The following KIF13B variants were observed in gnomAD, a reference collection of about 807,000 sequenced individuals.
KIF13B encodes the protein kinesin family member 13B, also known as kinesin-like protein KIF13B.
KIF13B carries 127 observed loss-of-function variants against 222.0 expected under a neutral mutation model. The ratio of observed to expected loss-of-function variants is 0.57; its 90% confidence interval spans 0.50 to 0.66. The LOEUF (loss-of-function observed/expected upper bound fraction) is 0.66. Ranked by LOEUF, KIF13B falls within the 30% of genes least tolerant of loss-of-function variation. The pLI is 0.00. For synonymous variants in KIF13B, 976 were observed against 919.0 expected (o/e 1.06, Z -1.12); for missense variants, 2,173 against 2,379.0 (o/e 0.91, Z 1.80).
intron 35 of KIF13B, among the ~76,000 whole-genome samples, chr8:29,102,719 G>A (rs1808852039): frequency 6.6e-6 from 1 of 152,204 alleles, no homozygotes; most frequent in African/African-American, 2.4e-5. Flanking sequence ...CACTGCAGCT[G>A]GAAGAGGAGT....
chr8:29,119,139 C>G, intron 29 of KIF13B, 147 bp from the exon 30 acceptor site: 1 of 798,644 alleles, frequency 1.3e-6, no homozygotes, highest in Non-Finnish European at 2.0e-6. Flanking sequence ...TGAAGATGAC[C>G]ACTTAAAAGT....
chr8:29,206,088 C>G (rs1436914230), intron 2 of KIF13B, among the ~76,000 whole-genome samples: 4 of 151,608 alleles, frequency 2.6e-5, no homozygotes, highest in Non-Finnish European at 5.9e-5. Context: ...AAGACCCCAC[C>G]TTTTAAAAAA....
chr8:29,240,541 T>C (rs922470369), intron 2 of KIF13B, among the ~76,000 whole-genome samples: 2 of 152,242 alleles, frequency 1.3e-5, no homozygotes, highest in Non-Finnish European at 2.9e-5. Context: ...TGTTTCATTC[T>C]TTAGAACTTT....
At chr8:29,134,338 T>C in intron 21 of KIF13B, 128 bp from the exon 22 acceptor site, 2 of 794,834 alleles carry the variant, frequency 2.5e-6, no homozygotes, top group South Asian at 1.7e-5. Flanking sequence ...CCAAATCCCA[T>C]TCACCCTGAG....
intron 32 of KIF13B, 35 bp from the exon 33 acceptor site, chr8:29,110,105 C>T (rs1470563866): frequency 3.3e-6 from 5 of 1,535,268 alleles, no homozygotes; most frequent in Non-Finnish European, 4.4e-6. Flanking sequence ...ATAAAAGCTT[C>T]TTGATGTACA....
At chr8:29,216,203 C>T (rs1265619220) in intron 2 of KIF13B, among the ~76,000 whole-genome samples, 9 of 152,174 alleles carry the variant, frequency 5.9e-5, no homozygotes, top group Non-Finnish European at 1.3e-4. Context: ...TAGGTCTTAT[C>T]CTCTCCACTT....
intron 38 of KIF13B, among the ~76,000 whole-genome samples, chr8:29,072,600 T>C (rs1807351400): frequency 1.3e-5 from 2 of 152,202 alleles, no homozygotes; most frequent in African/African-American, 4.8e-5. Context: ...TAGGGCTGCA[T>C]GGCCCTGGCT....
intron 35 of KIF13B, 61 bp from the exon 36 acceptor site, chr8:29,099,302 A>T (rs1029702012): frequency 1.5e-5 from 17 of 1,153,238 alleles, no homozygotes; most frequent in Non-Finnish European, 2.0e-5. Context: ...ACAAAAAAAA[A>T]TTACAGATAC....
chr8:29,149,034 T>TA (rs1811185482), intron 15 of KIF13B, among the ~76,000 whole-genome samples: 4 of 152,154 alleles, frequency 2.6e-5, no homozygotes, highest in African/African-American at 9.7e-5. Flanking sequence ...AGCAAGGTGA[T>TA]AAAGGAAGGT....
rs183319880 is a variant in KIF13B at position 29,116,342 on chromosome 8, G to A, written c.3837+489C>T. 3.4e-4 allele frequency among the ~76,000 whole-genome samples: 52 copies of A among 152,322 alleles called. No homozygotes were observed. In the East Asian group the frequency reaches 6.6e-3, roughly 19 times the overall value. On this transcript the variant is annotated intron_variant, in intron 31 of 39. Coordinates refer to ENST00000524189, the MANE Select transcript of KIF13B (RefSeq NM_015254.4). ...AAATTAGCCGGATGTGGTGGCACAC[G>A]TCTGTGGTCCCAGCTACCGGGGAGG...
In KIF13B at chr8:29,069,020, C is replaced by G. The variant is rs1213890717; in HGVS notation, c.*1484G>C. On this transcript the variant is annotated 3_prime_UTR_variant, in exon 40 of 40. Transcript: ENST00000524189. ...CGCAGCCAGGGCTGGGACAGGCCCACCATGGAGACTACTCTGTTGGCGCCT... is the reference window on the plus strand; with the variant it reads ...CGCAGCCAGGGCTGGGACAGGCCCAGCATGGAGACTACTCTGTTGGCGCCT... 1 of 152,206 alleles carries G rather than the reference C, an allele frequency of 6.6e-6. No homozygotes were observed. The highest frequency in any genetic ancestry group is 1.5e-5 in the Non-Finnish European group (1 of 68,030). 9.4% of individuals were successfully genotyped at this position (152,206 alleles called of 1,614,324 possible).
In KIF13B at chr8:29,105,784, G is replaced by A. The variant is rs374382008; in HGVS notation, c.4215+2355C>T. Among the ~76,000 whole-genome samples, 84 of 147,698 alleles carry A rather than the reference G, an allele frequency of 5.7e-4. 1 individual carries two copies. The highest frequency in any genetic ancestry group is 2.2e-4 in the South Asian group (1 of 4,632). On this transcript the variant is annotated intron_variant, in intron 35 of 39. Coordinates refer to ENST00000524189, the MANE Select transcript of KIF13B (RefSeq NM_015254.4). ...AGAAATTCTCCTGCCTCAGCCTTCC[G>A]AGTAGCTGGGATTACAGGCGCCTGG...
intron 30 of KIF13B, among the ~76,000 whole-genome samples, chr8:29,118,384 G>T (rs1809701977): frequency 6.6e-6 from 1 of 150,398 alleles, no homozygotes; most frequent in African/African-American, 2.5e-5. Context: ...AATCCCAGCT[G>T]CTCGGGAGGC....
intron 22 of KIF13B, 92 bp downstream of exon 22, chr8:29,133,948 C>T (rs552715116): frequency 5.2e-5 from 64 of 1,235,698 alleles, no homozygotes; most frequent in Middle Eastern, 4.2e-4. Context: ...AGACATATAA[C>T]GGCACATTTA....
At position 29,070,863 on chromosome 8, in the gene KIF13B, C is replaced by G; in HGVS notation, c.5219-97G>C. On this transcript the variant is annotated intron_variant, in intron 39 of 39. Coordinates refer to ENST00000524189, the MANE Select transcript of KIF13B (RefSeq NM_015254.4). This position sits in a 1 kb window ranked among gnomAD's most constrained non-coding sequence, Gnocchi z 4.1. ...TGCAGAGGCCATGTGCCCACACTGCCACCCCCCCGCACAGGCCCTACACAG... is the reference window on the plus strand; with the variant it reads ...TGCAGAGGCCATGTGCCCACACTGCGACCCCCCCGCACAGGCCCTACACAG... The G allele has an allele frequency of 7.7e-7, 1 of 1,293,364 alleles. No homozygotes were observed. The highest frequency in any genetic ancestry group is 1.1e-6 in the Non-Finnish European group (1 of 927,972). The allele number at this position is 1,293,364 out of a possible 1,614,324, so 80.1% of individuals were successfully genotyped here.
chr8:29,140,673 T>C, intron 19 of KIF13B, 56 bp from the exon 20 acceptor site: 1 of 1,493,636 alleles, frequency 6.7e-7, no homozygotes, highest in Non-Finnish European at 9.2e-7. Context: ...ATAAATGCAT[T>C]CAACCTACTG....
intron 2 of KIF13B, among the ~76,000 whole-genome samples, chr8:29,202,219 G>C (rs1343734750): frequency 6.6e-6 from 1 of 152,192 alleles, no homozygotes; most frequent in African/African-American, 2.4e-5. Context: ...AAGCTGAGGG[G>C]ACTCATACCT....
intron 2 of KIF13B, among the ~76,000 whole-genome samples, chr8:29,240,643 C>A (rs1470428099): frequency 1.3e-5 from 2 of 152,204 alleles, no homozygotes; most frequent in African/African-American, 2.4e-5. Context: ...ATACCAGAAT[C>A]TAGTTTACCA....
chr8:29,195,749 G>C (rs1813389916), intron 3 of KIF13B, among the ~76,000 whole-genome samples: 1 of 152,250 alleles, frequency 6.6e-6, no homozygotes, highest in African/African-American at 2.4e-5. Flanking sequence ...TGTCTCGGGA[G>C]TGGGGAGGAT....
Sources: gnomAD v4.1 joint callset for allele counts (sites outside exome capture counted in the v4.1 genomes callset) on GRCh38, gnomAD v4.1.1 for gene constraint, Gnocchi (gnomAD v3.1) non-coding constraint, MANE v1.5 for transcripts, NCBI Gene and HGNC (gene_info 2026-07-23, HGNC 2026-07-21) for gene names.